The following ZNF605 variants were observed in gnomAD, a reference collection of about 807,000 sequenced individuals.
ZNF605 encodes the protein zinc finger protein 605.
Under a neutral mutation model 7.9 loss-of-function variants are expected in ZNF605, and 9 were observed. The observed-to-expected ratio is 1.14, with a 90% CI of 0.68 to 1.98. The LOEUF is 1.98. ZNF605 is among the 30% of genes most tolerant of loss of function. The probability of loss-of-function intolerance (pLI) is 0.00; values close to 1 mark genes in which losing one functional copy is unlikely to be tolerated. For synonymous variants in ZNF605, 255 were observed against 260.1 expected, an observed-to-expected ratio of 0.98 and a Z score of 0.19; for missense variants, 673 against 762.4, an observed-to-expected ratio of 0.88 and a Z score of 1.38.
rs1474422546 is a variant in ZNF605, at chr12:132,941,843, C to T, written c.15+3778G>A. ...CTTCTCGAGGCTGCCCTCCATCACG[C>T]GTCCTTCTTCTCCAGGCTGCCCTCC... On this transcript the variant is annotated intron_variant, in intron 3 of 4. Transcript: ENST00000360187. The surrounding 1 kb of genome is among the most constrained non-coding windows in gnomAD (Gnocchi z 5.1). 1.3e-5 allele frequency among the ~76,000 whole-genome samples: 2 copies of T among 152,060 alleles called. No homozygotes were observed. Among genetic ancestry groups the T allele is most frequent in the African/African-American group, 2.4e-5 (1 of 41,404 alleles).
At chr12:132,931,827 C>CA (rs746588838) in intron 4 of ZNF605, among the ~76,000 whole-genome samples, 28 of 152,194 alleles carry the variant, frequency 1.8e-4, no homozygotes, top group Admixed American at 3.9e-4. Flanking sequence ...AGTTAAACAT[C>CA]AAATGTACCA....
chr12:132,949,460 T>C (rs762418991), intron 1 of ZNF605, among the ~76,000 whole-genome samples: 14 of 152,198 alleles, frequency 9.2e-5, no homozygotes, highest in Non-Finnish European at 1.8e-4. Flanking sequence ...CGATTTGCAA[T>C]TGGCCCCCTG....
At chr12:132,927,379 T>C (rs1220974277) in intron 4 of ZNF605, among the ~76,000 whole-genome samples, 1 of 152,174 alleles carries the variant, frequency 6.6e-6, no homozygotes, top group South Asian at 2.1e-4. Context: ...TTATATATAT[T>C]TTTTTGAGAT....
intron 1 of ZNF605, among the ~76,000 whole-genome samples, chr12:132,952,184 C>T (rs906687468): frequency 1.3e-4 from 19 of 151,982 alleles, no homozygotes; most frequent in African/African-American, 3.6e-4. Flanking sequence ...GGGCCAGGCG[C>T]GGTGGCTCAC....
chr12:132,941,285 C>G lies in ZNF605; in HGVS notation c.15+4336G>C, dbSNP rs1179197996. ...TCTGCTCTCAGAAGACGGTGAACCA[C>G]GGGAAACAGCTGTCCTGCTTTCCAG... On this transcript the variant is annotated intron_variant, in intron 3 of 4. Coordinates refer to ENST00000360187, the MANE Select transcript of ZNF605 (RefSeq NM_183238.4). The surrounding 1 kb of genome is among the most constrained non-coding windows in gnomAD (Gnocchi z 5.1). Among the ~76,000 whole-genome samples the G allele has an allele frequency of 1.3e-5, 2 of 152,218 alleles. No individual in the cohort carries two copies. The highest frequency in any genetic ancestry group is 1.9e-4 in the East Asian group (1 of 5,158).
intron 3 of ZNF605, among the ~76,000 whole-genome samples, chr12:132,938,087 TCTC>T: frequency 6.6e-6 from 1 of 152,120 alleles, no homozygotes; most frequent in Non-Finnish European, 1.5e-5. Context: ...TTCACGCCAT[TCTC>T]CTGCCTCAGC....
At chr12:132,935,883 ACT>A (rs1283116006) in intron 3 of ZNF605, among the ~76,000 whole-genome samples, 13 of 102,872 alleles carry the variant, frequency 1.3e-4, no homozygotes, top group Middle Eastern at 4.2e-3. Flanking sequence ...ACAGAGTGAG[ACT>A]CTGTCTTAAA....
intron 3 of ZNF605, among the ~76,000 whole-genome samples, chr12:132,944,276 G>A (rs995450826): frequency 6.6e-6 from 1 of 151,762 alleles, no homozygotes; most frequent in African/African-American, 2.4e-5. Context: ...GGAGTGCAGT[G>A]GTGCCACTCC....
intron 1 of ZNF605, among the ~76,000 whole-genome samples, chr12:132,954,439 T>TGGGG (rs1952612021): frequency 1.5e-4 from 8 of 54,870 alleles, no homozygotes; most frequent in African/African-American, 4.6e-4. Flanking sequence ...AGGAGAAGGG[T>TGGGG]AGGGAGGGGA....
At chr12:132,939,190 T>A (rs1952404539) in intron 3 of ZNF605, among the ~76,000 whole-genome samples, 1 of 152,160 alleles carries the variant, frequency 6.6e-6, no homozygotes, top group Non-Finnish European at 1.5e-5. Flanking sequence ...CGGTGCGGGA[T>A]CCACTAGGTG....
At chr12:132,930,176 G>A (rs118005807) in intron 4 of ZNF605, among the ~76,000 whole-genome samples, 4,349 of 152,276 alleles carry the variant, frequency 0.029, 90 homozygotes, top group Non-Finnish European at 0.046. Context: ...GACTGTAGGT[G>A]TGTGCCAGCA....
chr12:132,942,422 C>T (rs916015397), intron 3 of ZNF605, among the ~76,000 whole-genome samples: 2 of 152,306 alleles, frequency 1.3e-5, no homozygotes, highest in African/African-American at 4.8e-5. Flanking sequence ...GTGCAGAACT[C>T]CTCCAGAGAC....
chr12:132,948,370 A>G (rs1952517039), intron 1 of ZNF605, 100 bp from the exon 2 acceptor site: 1 of 152,170 alleles, frequency 6.6e-6, no homozygotes, highest in Non-Finnish European at 1.5e-5. Flanking sequence ...ACGTTTGTCC[A>G]GCACTTGCCA....
rs200234926 is a variant in ZNF605 at position 132,953,150 on chromosome 12, C to G, written c.-286+3093G>C. ...ACAGACCTCCAGACCACACAACCAC[C>G]GAACCCCATCAACCCCACTCTCACT... On this transcript the variant is annotated intron_variant, in intron 1 of 4. Coordinates refer to ENST00000360187, the MANE Select transcript of ZNF605 (RefSeq NM_183238.4). Among the ~76,000 whole-genome samples the G allele has an allele frequency of 3.7e-4, 57 of 152,318 alleles. 2 individuals carry two copies. The East Asian group carries it at 0.011, about 28-fold the overall frequency.
chr12:132,942,695 T>C (rs981523757), intron 3 of ZNF605, among the ~76,000 whole-genome samples: 63 of 152,348 alleles, frequency 4.1e-4, no homozygotes, highest in African/African-American at 1.4e-3. Flanking sequence ...ACTCAGGACC[T>C]GTCTCAGCCT....
At position 132,927,011 on chromosome 12, in the gene ZNF605, G is replaced by A. The variant is rs891705591; in HGVS notation, c.288C>T (p.Gly96=). The change falls in exon 5 of 5, where the codon GGC becomes GGT. Residue 96 remains glycine, a synonymous_variant. Coordinates refer to ENST00000360187, the MANE Select transcript of ZNF605 (RefSeq NM_183238.4). ...VHVGLRSHKC[G]TGEKSLKCPF... The stretch of plus-strand genomic sequence containing the variant: ...GACATTTCAAACTTTTTTCTCCTGT[G>A]CCACATTTATGGGATCGCAGTCCTA... The A allele has an allele frequency of 7.3e-5, 117 of 1,610,864 alleles. No individual in the cohort carries two copies. Among genetic ancestry groups the A allele is most frequent in the Admixed American group, 3.7e-4 (22 of 59,868 alleles).
chr12:132,935,412 T>TATAG (rs1952353952), intron 3 of ZNF605, among the ~76,000 whole-genome samples: 1 of 152,142 alleles, frequency 6.6e-6, no homozygotes, highest in Non-Finnish European at 1.5e-5. Flanking sequence ...TCAACTCCAG[T>TATAG]ATAGATGTGT....
At chr12:132,942,005 G>T (rs1952448004) in intron 3 of ZNF605, among the ~76,000 whole-genome samples, 1 of 152,162 alleles carries the variant, frequency 6.6e-6, no homozygotes, top group Admixed American at 6.5e-5. Context: ...AAAAGTTCAG[G>T]ATTTTGTGCT....
intron 1 of ZNF605, among the ~76,000 whole-genome samples, chr12:132,950,609 CAA>C (rs1952548424): frequency 6.6e-6 from 1 of 151,164 alleles, no homozygotes; most frequent in Non-Finnish European, 1.5e-5. Context: ...TACACACACA[CAA>C]AGACAGGCAT....
Sources: gnomAD v4.1 joint callset for allele counts (sites outside exome capture counted in the v4.1 genomes callset) on GRCh38, gnomAD v4.1.1 for gene constraint, Gnocchi (gnomAD v3.1) non-coding constraint, MANE v1.5 for transcripts, NCBI Gene and HGNC (gene_info 2026-07-23, HGNC 2026-07-21) for gene names.